VPS39: variants seen among roughly 807,000 people sequenced by gnomAD.
VPS39 encodes the protein vam6/Vps39-like protein.
In VPS39, 70 loss-of-function variants were observed where a neutral mutation model predicts 121.0. The ratio of observed to expected loss-of-function variants is 0.58; its 90% confidence interval spans 0.48 to 0.71. The LOEUF is 0.71. VPS39 is among the 30% of genes least tolerant of loss of function. The probability of loss-of-function intolerance (pLI) is 0.00; values close to 1 mark genes in which losing one functional copy is unlikely to be tolerated. For missense variants in VPS39, 818 were observed against 1,051.5 expected (o/e 0.78, Z 3.07); for synonymous variants, 378 against 398.1 (o/e 0.95, Z 0.60).
intron 8 of VPS39, among the ~76,000 whole-genome samples, chr15:42,179,725 C>T (rs2049542277): frequency 6.6e-6 from 1 of 151,870 alleles, no homozygotes; most frequent in African/African-American, 2.4e-5. Context: ...ACATTTCTAG[C>T]CAATGTTGTT....
At position 42,165,361 on chromosome 15, in the gene VPS39, C is replaced by T. The variant is rs138177984; in HGVS notation, c.1780-248G>A. On this transcript the variant is annotated intron_variant, in intron 17 of 24. Transcript: ENST00000318006. ...TAATTTTGTCCCATAATCCTCCAAACTCTCATAGCGACTCATGTAATTGTG... is the reference window on the plus strand; with the variant it reads ...TAATTTTGTCCCATAATCCTCCAAATTCTCATAGCGACTCATGTAATTGTG... The T allele has an allele frequency of 4.8e-4, 270 of 559,430 alleles. No individual in the cohort carries two copies. In the African/African-American group the frequency reaches 4.9e-3, roughly 10 times the overall value. 34.7% of individuals were successfully genotyped at this position (559,430 alleles called of 1,614,324 possible).
chr15:42,202,840 C>T (rs28699400), intron 1 of VPS39, among the ~76,000 whole-genome samples: 9 of 152,136 alleles, frequency 5.9e-5, no homozygotes, highest in Admixed American at 1.3e-4. Context: ...TGCATTCTCT[C>T]GCATTTGCTG....
intron 11 of VPS39, among the ~76,000 whole-genome samples, chr15:42,170,206 T>TA (rs1431062867): frequency 1.3e-5 from 2 of 151,144 alleles, no homozygotes; most frequent in African/African-American, 4.9e-5. Flanking sequence ...GACTCAACAA[T>TA]AAAAAATTTA....
At chr15:42,178,061 T>A (rs756932340) in intron 10 of VPS39, among the ~76,000 whole-genome samples, 157 bp downstream of exon 10, 3 of 152,260 alleles carry the variant, frequency 2.0e-5, no homozygotes, top group Non-Finnish European at 4.4e-5. Flanking sequence ...TAGAGTTACA[T>A]AGATATTTTA....
chr15:42,192,299 T>A (rs1490529022), intron 2 of VPS39, among the ~76,000 whole-genome samples: 2 of 152,220 alleles, frequency 1.3e-5, no homozygotes, highest in Admixed American at 1.3e-4. Context: ...TATATTTTTT[T>A]CTGTAAACTC....
chr15:42,199,711 G>T, intron 2 of VPS39, 185 bp downstream of exon 2: 1 of 585,774 alleles, frequency 1.7e-6, no homozygotes. Flanking sequence ...CCTCCCAAAT[G>T]CAGGTAGGGC....
At chr15:42,166,718 T>G in intron 14 of VPS39, 54 bp downstream of exon 14, 1 of 1,613,744 alleles carries the variant, frequency 6.2e-7, no homozygotes, top group Non-Finnish European at 8.5e-7. Flanking sequence ...TCTCAGTGGG[T>G]TTCCCCTGCC....
chr15:42,175,465 G>A lies in VPS39; in HGVS notation c.961-1613C>T, dbSNP rs529142612. On this transcript the variant is annotated intron_variant, in intron 10 of 24. Transcript: ENST00000318006. The stretch of plus-strand genomic sequence containing the variant: ...GAAAGCCATCTGGCATAGCTGGCAC[G>A]GTCGGGAAAGGTCCTATTCTCAGTA... 7.2e-5 allele frequency among the ~76,000 whole-genome samples: 11 copies of A among 151,818 alleles called. No individual in the cohort carries two copies. The East Asian group carries it at 7.7e-4, about 11-fold the overall frequency.
Position 42,164,216 on chromosome 15 carries a change from G to T in VPS39, c.2026+142C>A, listed in dbSNP as rs990607403. ...CGGTACAAAAGTGAGTCTTCAGAGA[G>T]GACAAAACAGGAGCACTGGCCTGAA... On this transcript the variant is annotated intron_variant, in intron 19 of 24. Coordinates refer to ENST00000318006, the MANE Select transcript of VPS39 (RefSeq NM_015289.5). 20 of 1,273,870 alleles carry T rather than the reference G, an allele frequency of 1.6e-5. No individual in the cohort carries two copies. In the Middle Eastern group the frequency reaches 3.1e-3, roughly 198 times the overall value. The allele number at this position is 1,273,870 out of a possible 1,614,324, so 78.9% of individuals were successfully genotyped here.
At chr15:42,161,341 A>T in intron 24 of VPS39, 2 of 416,160 alleles carry the variant, frequency 4.8e-6, no homozygotes, top group Admixed American at 7.0e-5. Flanking sequence ...AGCTTGAAAG[A>T]TCTTTTTCTT....
intron 15 of VPS39, 93 bp downstream of exon 15, chr15:42,166,470 G>A: frequency 7.1e-7 from 1 of 1,405,946 alleles, no homozygotes. Context: ...GAGCACGGGA[G>A]GGAGGGGAGC....
At chr15:42,177,181 A>AAC (rs1292888018) in intron 10 of VPS39, among the ~76,000 whole-genome samples, 1 of 151,184 alleles carries the variant, frequency 6.6e-6, no homozygotes, top group African/African-American at 2.4e-5. Context: ...AAAAAAAAAA[A>AAC]AAAAAAAACC....
rs181017870 is a variant in VPS39 at position 42,185,024 on chromosome 15, A to G, written c.535-324T>C. On this transcript the variant is annotated intron_variant, in intron 7 of 24. Coordinates refer to ENST00000318006, the MANE Select transcript of VPS39 (RefSeq NM_015289.5). ...GTTGGTTTCTTACAAAGTTTAAGAT[A>G]CACTTGCCATATGCCCCTTAAAGAT... is the stretch of plus-strand genomic sequence containing the variant. 1.1e-3 allele frequency among the ~76,000 whole-genome samples: 161 copies of G among 152,296 alleles called. 1 individual carries two copies. The highest frequency in any genetic ancestry group is 3.7e-3 in the African/African-American group (155 of 41,536).
chr15:42,169,694 A>T (rs778516043), intron 12 of VPS39, 30 bp downstream of exon 12: 5 of 1,559,414 alleles, frequency 3.2e-6, no homozygotes, highest in Non-Finnish European at 3.5e-6. Context: ...TCCCAGGCAA[A>T]CTCTTTCACG....
chr15:42,164,929 C>T (rs1209945942), intron 18 of VPS39, 67 bp downstream of exon 18: 16 of 1,597,616 alleles, frequency 1.0e-5, no homozygotes, highest in African/African-American at 4.0e-5. Flanking sequence ...CCCCACCACA[C>T]GTGGCACCTG....
At position 42,162,425 on chromosome 15, in the gene VPS39, C is replaced by G; in HGVS notation, c.2232G>C (p.Gly744=). 6.2e-7 allele frequency: 1 copy of G among 1,613,424 alleles called. No homozygotes were observed. The highest frequency in any genetic ancestry group is 8.5e-7 in the Non-Finnish European group (1 of 1,179,650). ...YLSPPSIHCL[G]PIKLELLEPK... ...GCTCCAGTAGTTCCAGCTTGATTGG[C>G]CCCAGGCAGTGAATGCTGGGGGGCG... Residue 744 remains glycine, a synonymous_variant, in exon 22 of 25, where the codon GGG becomes GGC. Transcript: ENST00000318006.
Position 42,166,776 on chromosome 15 carries a change from C to T in VPS39, c.1515G>A (p.Glu505=). Residue 505 remains glutamate (E), a synonymous_variant, in exon 14 of 25, where the codon GAG becomes GAA. Transcript: ENST00000318006. ...TCCAAGGAACCACTCCCACACCTTT[C>T]TCGTGGAGCCCCTTCTTCTCATACA... ...IILYEKKGLH[E]KALQVLVDQS... The T allele has an allele frequency of 6.2e-7, 1 of 1,614,128 alleles. No individual in the cohort carries two copies. The highest frequency in any genetic ancestry group is 8.5e-7 in the Non-Finnish European group (1 of 1,179,936).
In VPS39 at chr15:42,169,726, G is replaced by T; in HGVS notation, c.1231C>A (p.Gln411Lys). Reference protein sequence around the residue: ...AHLALIDYLTQKRSQLVKKLN... With the variant: ...AHLALIDYLTKKRSQLVKKLN... ...CACGCACTCTGTACTATACCTACCT[G>T]TGTCAGGTAGTCAATCAGAGCTAAG... The change falls in exon 12 of 25, where the codon CAG becomes AAG. Residue 411 changes from glutamine to lysine, a missense_variant and splice_region_variant. By Grantham distance (53) the Gln-to-Lys change is moderately conservative. Transcript: ENST00000318006. 6.2e-7 allele frequency: 1 copy of T among 1,613,846 alleles called. No homozygotes were observed. The highest frequency in any genetic ancestry group is 1.3e-5 in the African/African-American group (1 of 75,032).
intron 3 of VPS39, 83 bp from the exon 4 acceptor site, chr15:42,191,250 G>C: frequency 6.6e-7 from 1 of 1,511,772 alleles, no homozygotes; most frequent in South Asian, 1.1e-5. Flanking sequence ...GTAATAAAAA[G>C]GGACCACGGA....
Sources: gnomAD v4.1 joint callset for allele counts (sites outside exome capture counted in the v4.1 genomes callset) on GRCh38, gnomAD v4.1.1 for gene constraint, MANE v1.5 for transcripts, NCBI Gene and HGNC (gene_info 2026-07-23, HGNC 2026-07-21) for gene names.